Variants in CKS1B observed in about 807,000 individuals in gnomAD.
The protein encoded by CKS1B is CDC28 protein kinase regulatory subunit 1B, also known as cyclin-dependent kinases regulatory subunit 1.
A neutral mutation model predicts 12.2 loss-of-function variants in CKS1B; 5 were observed. The observed-to-expected ratio is 0.41, with a 90% CI of 0.21 to 0.86. CKS1B has a LOEUF of 0.86. Among genes scored for constraint, CKS1B ranks in the 40% least tolerant of loss-of-function variants. The pLI is 0.32. For missense variants in CKS1B, 53 were observed against 99.9 expected (o/e 0.53, Z 2.00); for synonymous variants, 24 against 34.4 (o/e 0.70, Z 1.06).
At chr1:154,975,019 TAGA>T in intron 1 of CKS1B, 1 of 1,303,978 alleles carries the variant, frequency 7.7e-7, no homozygotes, top group African/African-American at 1.4e-5. Context: ...CGCCTCTCAG[TAGA>T]GAGGAGAGAG....
At chr1:154,974,933 GAT>G (rs780531176) in intron 1 of CKS1B, 129 bp downstream of exon 1, 3 of 1,613,714 alleles carry the variant, frequency 1.9e-6, no homozygotes, top group Admixed American at 3.3e-5. Flanking sequence ...GCAATGGTGT[GAT>G]ATTGTGGAAG....
chr1:154,975,201 C>T, intron 1 of CKS1B: 2 of 580,926 alleles, frequency 3.4e-6, no homozygotes, highest in South Asian at 4.2e-5. Flanking sequence ...TTCCTGGCGT[C>T]CCTAACAGGA....
At chr1:154,978,194 G>T in intron 2 of CKS1B, 80 bp downstream of exon 2, 1 of 1,390,052 alleles carries the variant, frequency 7.2e-7, no homozygotes, top group East Asian at 2.7e-5. Context: ...AACCCAAATA[G>T]GGAGATAGGA....
chr1:154,978,101 G>A lies in CKS1B; in HGVS notation c.174G>A (p.Met58Ile), dbSNP rs1657234565. Residue 58 changes from methionine to isoleucine, a missense_variant, in exon 2 of 3, where the codon ATG becomes ATA. By Grantham distance (10) the Met-to-Ile change is conservative. Coordinates refer to ENST00000308987, the MANE Select transcript of CKS1B (RefSeq NM_001826.3). ...AGAGTCAGGGATGGGTCCATTATAT[G>A]ATCCATGAACCAGGTCAGTGCACTG... ...VQQSQGWVHY[M>I]IHEPEPHILL... 3 of 1,613,906 alleles carry A rather than the reference G, an allele frequency of 1.9e-6. No homozygotes were observed. The highest frequency in any genetic ancestry group is 2.5e-6 in the Non-Finnish European group (3 of 1,179,982).
chr1:154,975,886 GGACA>G (rs1332186287), intron 1 of CKS1B: 1 of 154,632 alleles, frequency 6.5e-6, no homozygotes, highest in Non-Finnish European at 1.5e-5. Flanking sequence ...AAAAACACAG[GGACA>G]GAAAGAGGGG....
chr1:154,974,947 C>A, intron 1 of CKS1B, 143 bp downstream of exon 1: 1 of 1,612,776 alleles, frequency 6.2e-7, no homozygotes. Context: ...TTGTGGAAGG[C>A]GTAAGGCGCA....
At chr1:154,975,780 T>C (rs1657161763) in intron 1 of CKS1B, 1 of 154,132 alleles carries the variant, frequency 6.5e-6, no homozygotes, top group Non-Finnish European at 1.5e-5. Context: ...GGCGGGGGAG[T>C]GTCCTAAGGG....
rs752156195 is a variant in CKS1B, at chr1:154,978,821, C to G, written c.*44C>G. On this transcript the variant is annotated 3_prime_UTR_variant, in exon 3 of 3. Coordinates refer to ENST00000308987, the MANE Select transcript of CKS1B (RefSeq NM_001826.3). The stretch of plus-strand genomic sequence containing the variant: ...CAGCCTCAAGCTTTACACAGCTGTC[C>G]TTACTTCCTAACATCTTTCTGATAA... The G allele has an allele frequency of 8.6e-7, 1 of 1,166,150 alleles. No individual in the cohort carries two copies. The highest frequency in any genetic ancestry group is 1.2e-5 in the South Asian group (1 of 80,392). 72.2% of individuals were successfully genotyped at this position (1,166,150 alleles called of 1,614,324 possible).
chr1:154,978,464 C>T (rs1657244141), intron 2 of CKS1B: 1 of 558,778 alleles, frequency 1.8e-6, no homozygotes. Context: ...ATTGATAAGA[C>T]ACCAGACACC....
intron 2 of CKS1B, 122 bp from the exon 3 acceptor site, chr1:154,978,603 A>C (rs1380465300): frequency 1.5e-5 from 12 of 792,132 alleles, no homozygotes; most frequent in Non-Finnish European, 2.3e-5. Context: ...CCATATGCTT[A>C]AGTCTTTATT....
chr1:154,976,727 T>C (rs1657196004), intron 1 of CKS1B, among the ~76,000 whole-genome samples: 2 of 152,208 alleles, frequency 1.3e-5, no homozygotes, highest in Admixed American at 1.3e-4. Context: ...GGTGTATGTA[T>C]TGAAGCCAAA....
chr1:154,978,023 C>T lies in CKS1B; in HGVS notation c.96C>T (p.Val32=). Residue 32 remains valine, a synonymous_variant, in exon 2 of 3, where the codon GTC becomes GTT. Transcript: ENST00000308987. The part of the protein sequence containing the change: ...VMLPKDIAKL[V]PKTHLMSESE... ...TGCCCAAGGACATAGCCAAGCTGGT[C>T]CCTAAAACCCATCTGATGTCTGAAT... The T allele has an allele frequency of 1.2e-6, 2 of 1,614,030 alleles. No homozygotes were observed. The highest frequency in any genetic ancestry group is 1.7e-6 in the Non-Finnish European group (2 of 1,179,950).
At chr1:154,976,361 TTAA>T (rs1413523741) in intron 1 of CKS1B, among the ~76,000 whole-genome samples, 1 of 152,254 alleles carries the variant, frequency 6.6e-6, no homozygotes, top group Non-Finnish European at 1.5e-5. Context: ...CTAATCTGTA[TTAA>T]TTGTAATAAT....
intron 1 of CKS1B, chr1:154,977,718 T>C: frequency 2.5e-6 from 1 of 404,292 alleles, no homozygotes; most frequent in Non-Finnish European, 4.5e-6. Context: ...ACTAGAAGAC[T>C]ATAAGGTCCA....
chr1:154,975,034 G>T (rs1657116536), intron 1 of CKS1B: 1 of 1,155,098 alleles, frequency 8.7e-7, no homozygotes, highest in Non-Finnish European at 1.3e-6. Flanking sequence ...AGGAGAGAGG[G>T]GTGGGCGTGG....
chr1:154,978,507 TG>T (rs1222208207), intron 2 of CKS1B: 1 of 591,316 alleles, frequency 1.7e-6, no homozygotes, highest in African/African-American at 1.9e-5. Flanking sequence ...AGGGACACCC[TG>T]GGGCTGTATA....
intron 2 of CKS1B, 51 bp from the exon 3 acceptor site, chr1:154,978,674 T>C: frequency 6.7e-7 from 1 of 1,498,722 alleles, no homozygotes; most frequent in South Asian, 1.1e-5. Flanking sequence ...CACTATAGGT[T>C]GTACATAGAA....
Position 154,978,732 on chromosome 1 carries a change from C to T in CKS1B, c.195C>T (p.His65=). The T allele has an allele frequency of 6.2e-7, 1 of 1,613,832 alleles. No homozygotes were observed. ...VHYMIHEPEP[H]ILLFRRPLPK... ...TTTCCCTCACTCTTTCAGAACCTCA[C>T]ATCTTGCTGTTCCGGCGCCCACTAC... is the stretch of plus-strand genomic sequence containing the variant. The change falls in exon 3 of 3, where the codon CAC becomes CAT. Residue 65 remains histidine (H), a synonymous_variant. Coordinates refer to ENST00000308987, the MANE Select transcript of CKS1B (RefSeq NM_001826.3).
In CKS1B at chr1:154,974,828, A is replaced by G. The variant is rs761076763; in HGVS notation, c.59+24A>G. 8.1e-6 allele frequency: 13 copies of G among 1,614,076 alleles called. No homozygotes were observed. In the South Asian group the frequency reaches 1.4e-4, roughly 18 times the overall value. ...CGGTTAGTGCTGGCGCGGGAGCAAT[A>G]GCGAGGGTCGTGAGCTTTGGCCGCT... On this transcript the variant is annotated intron_variant, in intron 1 of 2. Coordinates refer to ENST00000308987, the MANE Select transcript of CKS1B (RefSeq NM_001826.3).
Sources: allele counts gnomAD v4.1 joint callset (sites outside exome capture counted in the v4.1 genomes callset), GRCh38; gene constraint gnomAD v4.1.1; transcripts MANE v1.5; gene names NCBI Gene and HGNC (gene_info 2026-07-23, HGNC 2026-07-21).